IRF2: variants seen among roughly 807,000 people sequenced by gnomAD.
IRF2 encodes the protein interferon regulatory factor 2.
IRF2 carries 15 observed loss-of-function variants against 40.6 expected under a neutral mutation model. That is an observed-to-expected ratio of 0.37 (90% CI 0.25 to 0.57). The LOEUF (loss-of-function observed/expected upper bound fraction) is 0.57. Among genes scored for constraint, IRF2 ranks in the 20% least tolerant of loss-of-function variants. The probability of loss-of-function intolerance (pLI) is 0.77; values close to 1 mark genes in which losing one functional copy is unlikely to be tolerated. For synonymous variants in IRF2, 151 were observed against 165.5 expected, an observed-to-expected ratio of 0.91 and a Z score of 0.67; for missense variants, 317 against 455.7, an observed-to-expected ratio of 0.70 and a Z score of 2.77.
intron 6 of IRF2, among the ~76,000 whole-genome samples, chr4:184,400,415 C>T (rs549349608): frequency 5.9e-5 from 9 of 152,204 alleles, no homozygotes; most frequent in Admixed American, 4.6e-4. Flanking sequence ...TTTCAATTGC[C>T]GAGTAGTATT....
chr4:184,414,123 T>C (rs13135465), intron 5 of IRF2, among the ~76,000 whole-genome samples: 29,705 of 152,220 alleles, frequency 0.2, 3,369 homozygotes, highest in Non-Finnish European at 0.26. Flanking sequence ...AAAAGGGAAA[T>C]GACCTGCCCA....
intron 6 of IRF2, among the ~76,000 whole-genome samples, chr4:184,403,105 T>G (rs1437126339): frequency 6.6e-6 from 1 of 152,166 alleles, no homozygotes; most frequent in Non-Finnish European, 1.5e-5. Flanking sequence ...AGTGTGTTGC[T>G]TTATGCCCTG....
intron 2 of IRF2, among the ~76,000 whole-genome samples, chr4:184,421,971 A>C (rs1737499051): frequency 6.6e-6 from 1 of 152,114 alleles, no homozygotes; most frequent in Admixed American, 6.5e-5. Context: ...ATCCCTCAAG[A>C]ATGGCTTGGT....
At position 184,448,784 on chromosome 4, in the gene IRF2, C is replaced by G. The variant is rs536979356; in HGVS notation, c.-6-19714G>C. Reference sequence around the variant, plus strand: ...CTTCAGGGTTCCCAGCGCCCCAAATCTGGCATTCCCAGAATAGTTTCATTT... The same window carrying G: ...CTTCAGGGTTCCCAGCGCCCCAAATGTGGCATTCCCAGAATAGTTTCATTT... On this transcript the variant is annotated intron_variant, in intron 1 of 8. Coordinates refer to ENST00000393593, the MANE Select transcript of IRF2 (RefSeq NM_002199.4). The surrounding 1 kb of genome is among the most constrained non-coding windows in gnomAD (Gnocchi z 4.3). 6.6e-6 allele frequency: 1 copy of G among 152,366 alleles called. No homozygotes were observed. The highest frequency in any genetic ancestry group is 2.4e-5 in the African/African-American group (1 of 41,574). The allele number at this position is 152,366 out of a possible 1,614,324, so 9.4% of individuals were successfully genotyped here.
intron 6 of IRF2, 127 bp from the exon 7 acceptor site, chr4:184,399,206 T>C (rs2149893256): frequency 1.0e-6 from 1 of 965,778 alleles, no homozygotes; most frequent in Admixed American, 3.0e-5. Context: ...TCCCCTGCCA[T>C]GGGGCTGAAG....
At chr4:184,442,430 T>A (rs999686518) in intron 1 of IRF2, among the ~76,000 whole-genome samples, 3 of 152,290 alleles carry the variant, frequency 2.0e-5, no homozygotes. Context: ...GCTTCTGCCA[T>A]AAAGCAGGGC....
intron 1 of IRF2, among the ~76,000 whole-genome samples, chr4:184,463,260 C>G (rs1739206549): frequency 6.6e-6 from 1 of 152,228 alleles, no homozygotes; most frequent in African/African-American, 2.4e-5. Context: ...ACTCTACTTT[C>G]CTTCAGTCCT....
At chr4:184,473,488 G>A (rs1448662583) in intron 1 of IRF2, among the ~76,000 whole-genome samples, 1 of 147,658 alleles carries the variant, frequency 6.8e-6, no homozygotes, top group Non-Finnish European at 1.5e-5. Flanking sequence ...AGCCCCTGGC[G>A]CGCTGGGACA....
intron 1 of IRF2, among the ~76,000 whole-genome samples, chr4:184,463,635 G>A (rs1739219530): frequency 6.6e-6 from 1 of 151,928 alleles, no homozygotes; most frequent in Non-Finnish European, 1.5e-5. Context: ...ATTTGTATTG[G>A]ACAATATCGT....
At position 184,399,080 on chromosome 4, in the gene IRF2, C is replaced by A; in HGVS notation, c.530-1G>T. The A allele has an allele frequency of 6.3e-7, 1 of 1,583,896 alleles. No individual in the cohort carries two copies. The highest frequency in any genetic ancestry group is 8.6e-7 in the Non-Finnish European group (1 of 1,167,554). ...CTGTCCAGATGGGACTGTCCTACAA[C>A]TTCAAAGAAAAGACAGCCATCATGC... On this transcript the variant is annotated splice_acceptor_variant, in intron 6 of 8. Transcript: ENST00000393593. LOFTEE classifies it high-confidence loss of function.
At chr4:184,439,610 C>T (rs793796) in intron 1 of IRF2, among the ~76,000 whole-genome samples, 148,186 of 152,274 alleles carry the variant, frequency 0.97, 72,225 homozygotes, top group Middle Eastern at 1. Flanking sequence ...AAAATGCTTT[C>T]AAATACCACA....
chr4:184,403,555 A>G (rs1427240016), intron 6 of IRF2, among the ~76,000 whole-genome samples: 2 of 152,212 alleles, frequency 1.3e-5, no homozygotes, highest in Non-Finnish European at 2.9e-5. Context: ...ACATGCTGAA[A>G]CAACCATACA....
rs1737356955 is a variant in IRF2 at position 184,418,393 on chromosome 4, A to G, written c.364+139T>C. 22 of 970,044 alleles carry G rather than the reference A, an allele frequency of 2.3e-5. No individual in the cohort carries two copies. In the South Asian group the frequency reaches 2.9e-4, roughly 13 times the overall value. 60.1% of individuals were successfully genotyped at this position (970,044 alleles called of 1,614,324 possible). On this transcript the variant is annotated intron_variant, in intron 4 of 8. Transcript: ENST00000393593. ...GAATCGAAAGTCTTGTTTCCAAGCC[A>G]GGTAGGGGCGGAATGATCCCCTACA...
intron 1 of IRF2, among the ~76,000 whole-genome samples, chr4:184,440,336 C>T (rs942202724): frequency 6.6e-6 from 1 of 152,244 alleles, no homozygotes; most frequent in Non-Finnish European, 1.5e-5. Context: ...AATCCACTTC[C>T]ACATTCCACA....
intron 1 of IRF2, among the ~76,000 whole-genome samples, chr4:184,436,152 T>G (rs1298968967): frequency 1.3e-5 from 2 of 152,128 alleles, no homozygotes; most frequent in African/African-American, 2.4e-5. Flanking sequence ...AATTTTTGTA[T>G]TCTCAGTAGA....
chr4:184,430,175 G>A (rs748338149), intron 1 of IRF2, among the ~76,000 whole-genome samples: 4 of 152,154 alleles, frequency 2.6e-5, no homozygotes, highest in Non-Finnish European at 5.9e-5. Context: ...AGCTTGCCAT[G>A]GACTTCCTCT....
chr4:184,451,814 T>A, intron 1 of IRF2, among the ~76,000 whole-genome samples: 1 of 152,132 alleles, frequency 6.6e-6, no homozygotes, highest in South Asian at 2.1e-4. Flanking sequence ...GAATGTTCCC[T>A]GGGGCCCTTC....
At chr4:184,400,773 G>C (rs1326425627) in intron 6 of IRF2, among the ~76,000 whole-genome samples, 2 of 152,180 alleles carry the variant, frequency 1.3e-5, no homozygotes, top group African/African-American at 2.4e-5. Flanking sequence ...GGTAAGTCAT[G>C]ATGTTTCATG....
At chr4:184,412,616 G>A (rs1737118279) in intron 5 of IRF2, among the ~76,000 whole-genome samples, 1 of 152,182 alleles carries the variant, frequency 6.6e-6, no homozygotes, top group South Asian at 2.1e-4. Context: ...GGACCTTGGC[G>A]AGTGCACACA....
Sources: gnomAD v4.1 joint callset for allele counts (sites outside exome capture counted in the v4.1 genomes callset) on GRCh38, gnomAD v4.1.1 for gene constraint, Gnocchi (gnomAD v3.1) non-coding constraint, MANE v1.5 for transcripts, NCBI Gene and HGNC (gene_info 2026-07-23, HGNC 2026-07-21) for gene names.